IKBIP: variants seen among roughly 807,000 people sequenced by gnomAD.
IKBIP encodes the protein IKBKB interacting protein, also known as inhibitor of nuclear factor kappa-B kinase-interacting protein.
IKBIP carries 28 observed loss-of-function variants against 31.0 expected under a neutral mutation model. The observed-to-expected ratio is 0.90, with a 90% CI of 0.67 to 1.24. The LOEUF (loss-of-function observed/expected upper bound fraction) is 1.24, where lower values mean the gene tolerates loss of function less well. IKBIP is among the 50% of genes most tolerant of loss of function. IKBIP has a pLI of 0.00. For missense variants in IKBIP, 453 were observed against 441.9 expected (o/e 1.03, Z -0.23); for synonymous variants, 164 against 160.3 (o/e 1.02, Z -0.17).
At chr12:98,641,446 T>G (rs564295322) in intron 1 of IKBIP, among the ~76,000 whole-genome samples, 1 of 152,254 alleles carries the variant, frequency 6.6e-6, no homozygotes, top group Non-Finnish European at 1.5e-5. Context: ...TATTTTAAGA[T>G]GCCAAATACT....
downstream of IKBIP, chr12:98,624,227 G>A: frequency 1.1e-6 from 1 of 947,076 alleles, no homozygotes; most frequent in Non-Finnish European, 1.3e-6. Context: ...CAGGATGGAG[G>A]TTAAAACAAC....
At chr12:98,617,411 CTTGAG>C (rs373210755) in intron 2 of IKBIP, among the ~76,000 whole-genome samples, 227 of 152,322 alleles carry the variant, frequency 1.5e-3, no homozygotes, top group African/African-American at 5.1e-3. Flanking sequence ...CTGGCAACAT[CTTGAG>C]TTGTTATTTT....
chr12:98,622,161 G>A (rs2097610675), downstream of IKBIP, among the ~76,000 whole-genome samples: 1 of 151,804 alleles, frequency 6.6e-6, no homozygotes, highest in South Asian at 2.1e-4. Context: ...ATTTTAACAG[G>A]TGCTGAAGTG....
At chr12:98,624,063 T>C (rs1592991063), downstream of IKBIP, among the ~76,000 whole-genome samples, 1 of 150,718 alleles carries the variant, frequency 6.6e-6, no homozygotes, top group South Asian at 2.1e-4. Flanking sequence ...TGTGTCATTA[T>C]AGAGAACAGT....
At position 98,634,370 on chromosome 12, in the gene IKBIP, G is replaced by T. The variant is rs760738001; in HGVS notation, c.223C>A (p.Gln75Lys). The T allele has an allele frequency of 1.9e-6, 3 of 1,605,466 alleles. 1 individual carries two copies. The South Asian group carries it at 3.3e-5, about 18-fold the overall frequency. The change falls in exon 2 of 3, where the codon CAA (glutamine) becomes AAA (lysine). Residue 75 changes from glutamine (Q) to lysine (K), a missense_variant. By Grantham distance (53) the Gln-to-Lys change is moderately conservative (BLOSUM62 1). Coordinates refer to ENST00000299157, the MANE Select transcript of IKBIP (RefSeq NM_153687.4). ...QSEKFAKVENQYQLLKLETNE... is the reference protein window; with the variant it reads ...QSEKFAKVENKYQLLKLETNE... ...GTTTCTAGTTTCAGTAACTGGTATT[G>T]GTTTTCCACCTTTGCAAATTTTTCT...
At chr12:98,631,567 C>T (rs1440085747) in intron 2 of IKBIP, among the ~76,000 whole-genome samples, 6 of 151,252 alleles carry the variant, frequency 4.0e-5, no homozygotes, top group Admixed American at 3.9e-4. Flanking sequence ...AGGTGTGAAC[C>T]ACCGTGCCCA....
chr12:98,641,234 T>TA (rs2097630121), intron 1 of IKBIP, among the ~76,000 whole-genome samples: 1 of 152,208 alleles, frequency 6.6e-6, no homozygotes, highest in African/African-American at 2.4e-5. Context: ...CCCTCCAACT[T>TA]AATCAGATGA....
chr12:98,620,031 G>T (rs1176892763), downstream of IKBIP, among the ~76,000 whole-genome samples: 1 of 150,742 alleles, frequency 6.6e-6, no homozygotes, highest in Non-Finnish European at 1.5e-5. Flanking sequence ...TGATTCTCCG[G>T]CCTCAGCCTC....
chr12:98,634,917 G>C (rs1402516250), intron 1 of IKBIP, among the ~76,000 whole-genome samples: 3 of 151,626 alleles, frequency 2.0e-5, no homozygotes, highest in African/African-American at 7.3e-5. Context: ...CACTGTGTTA[G>C]CCAGGATGCT....
intron 1 of IKBIP, among the ~76,000 whole-genome samples, chr12:98,635,192 A>C (rs1271042552): frequency 6.6e-6 from 1 of 151,188 alleles, no homozygotes; most frequent in Admixed American, 6.6e-5. Context: ...TTTTTAGTAG[A>C]GATGGGGTTT....
At chr12:98,641,527 T>C (rs765517051) in intron 1 of IKBIP, among the ~76,000 whole-genome samples, 3 of 152,230 alleles carry the variant, frequency 2.0e-5, no homozygotes, top group Non-Finnish European at 4.4e-5. Context: ...TTACTATGAA[T>C]AAATATTTTG....
rs2097612537 is a variant in IKBIP at position 98,624,565 on chromosome 12, CA to C, written c.*1364del. The C allele has an allele frequency of 2.1e-6, 2 of 969,834 alleles. No individual in the cohort carries two copies. The highest frequency in any genetic ancestry group is 6.2e-5 in the Admixed American group (1 of 16,234). 60.1% of individuals were successfully genotyped at this position (969,834 alleles called of 1,614,324 possible). On this transcript the variant is annotated 3_prime_UTR_variant, in exon 3 of 3. Transcript: ENST00000299157. ...TCAAGTTCTTTGTGTTTAATTCCATCAAAAACTGCATTATAAAACTGGTAAG... is the reference window on the plus strand; with the variant it reads ...TCAAGTTCTTTGTGTTTAATTCCATCAAAACTGCATTATAAAACTGGTAAG...
chr12:98,614,424 T>A (rs2153292862), intron 2 of IKBIP: 1 of 775,244 alleles, frequency 1.3e-6, no homozygotes, highest in Non-Finnish European at 1.8e-6. Flanking sequence ...TATTTCTTTT[T>A]AATTTTAATT....
chr12:98,634,501 G>A, intron 1 of IKBIP, 88 bp from the exon 2 acceptor site: 34 of 553,950 alleles, frequency 6.1e-5, no homozygotes, highest in South Asian at 1.9e-4. Context: ...CTTCTGTTAA[G>A]AACAACATAA....
At chr12:98,636,111 T>C (rs187965983) in intron 1 of IKBIP, among the ~76,000 whole-genome samples, 1 of 152,364 alleles carries the variant, frequency 6.6e-6, no homozygotes, top group Admixed American at 6.5e-5. Context: ...CACTTGAAAT[T>C]CTTTGCATAT....
chr12:98,643,075 C>T (rs190955991), intron 1 of IKBIP, among the ~76,000 whole-genome samples: 1 of 152,108 alleles, frequency 6.6e-6, no homozygotes, highest in African/African-American at 2.4e-5. Flanking sequence ...GCCTCAGCCT[C>T]CTGAATAGCT....
downstream of IKBIP, among the ~76,000 whole-genome samples, chr12:98,623,872 AAGAAAGAG>A (rs1257057899): frequency 6.6e-6 from 1 of 151,170 alleles, no homozygotes; most frequent in Non-Finnish European, 1.5e-5. Context: ...AAATGAATGG[AAGAAAGAG>A]AGAAAGACAA....
At chr12:98,627,174 G>T (rs903947883) in intron 2 of IKBIP, among the ~76,000 whole-genome samples, 1 of 151,542 alleles carries the variant, frequency 6.6e-6, no homozygotes. Flanking sequence ...TCACCATGCT[G>T]GCCAGGCTGG....
At chr12:98,614,238 T>G (rs1349501874) in exon 3 of IKBIP, 1 of 1,613,552 alleles carries the variant, frequency 6.2e-7, no homozygotes, top group African/African-American at 1.3e-5. Context: ...GTTATCCTAT[T>G]GGACCAAGTT....
Sources: gnomAD v4.1 joint callset for allele counts (sites outside exome capture counted in the v4.1 genomes callset) on GRCh38, gnomAD v4.1.1 for gene constraint, MANE v1.5 for transcripts, NCBI Gene and HGNC (gene_info 2026-07-23, HGNC 2026-07-21) for gene names.